Variants in CDK5RAP2 observed in about 807,000 individuals in gnomAD.
The protein encoded by CDK5RAP2 is CDK5 regulatory subunit-associated protein 2.
In CDK5RAP2, 147 loss-of-function variants were observed where a neutral mutation model predicts 232.9. That is an observed-to-expected ratio of 0.63 (90% CI 0.55 to 0.72). The LOEUF (loss-of-function observed/expected upper bound fraction) is 0.72, where lower values mean the gene tolerates loss of function less well. Among genes scored for constraint, CDK5RAP2 ranks in the 30% least tolerant of loss-of-function variants. CDK5RAP2 has a pLI of 0.00. For synonymous variants in CDK5RAP2, 833 were observed against 833.7 expected (o/e 1.00, Z 0.01); for missense variants, 2,195 against 2,231.5 (o/e 0.98, Z 0.33).
In CDK5RAP2 at chr9:120,419,936, G is replaced by A. The variant is rs1293846450; in HGVS notation, c.4029C>T (p.Tyr1343=). The A allele has an allele frequency of 6.2e-7, 1 of 1,613,972 alleles. No individual in the cohort carries two copies. ...MERIEEDNLT[Y]QHLLPESPEP... is the part of the protein sequence containing the mutation. ...CAGGAGATTCAGGCAGAAGATGTTG[G>A]TAGGTTAAGTTGTCTTCCTCAATCC... The change falls in exon 27 of 38, where the codon TAC becomes TAT. Residue 1343 remains tyrosine, a synonymous_variant. Transcript: ENST00000349780.
intron 25 of CDK5RAP2, among the ~76,000 whole-genome samples, chr9:120,428,007 C>T (rs1205312485): frequency 2.6e-5 from 4 of 152,212 alleles, no homozygotes; most frequent in Admixed American, 6.5e-5. Context: ...TGAATGACTA[C>T]TGGGTACATA....
At chr9:120,526,851 C>G (rs962674629) in intron 10 of CDK5RAP2, among the ~76,000 whole-genome samples, 4 of 152,172 alleles carry the variant, frequency 2.6e-5, no homozygotes, top group Non-Finnish European at 5.9e-5. Context: ...AACTAAACAC[C>G]TTGACCAATG....
chr9:120,542,147 A>G (rs2041658352), intron 5 of CDK5RAP2, among the ~76,000 whole-genome samples: 1 of 152,234 alleles, frequency 6.6e-6, no homozygotes, highest in East Asian at 1.9e-4. Context: ...ATTAACATAG[A>G]TATTTTCCAT....
chr9:120,443,906 G>C (rs1291655272), intron 22 of CDK5RAP2, among the ~76,000 whole-genome samples, 164 bp from the exon 23 acceptor site: 1 of 152,086 alleles, frequency 6.6e-6, no homozygotes, highest in Non-Finnish European at 1.5e-5. Context: ...TGCCATAACA[G>C]GACATAAAAA....
chr9:120,491,419 A>T lies in CDK5RAP2; in HGVS notation c.1370T>A (p.Met457Lys). Residue 457 changes from methionine to lysine, a missense_variant, in exon 13 of 38, where the codon ATG becomes AAG. Transcript: ENST00000349780. Reference protein sequence around the residue: ...RNEVNEREKAMENRYKSLLSE... With the variant: ...RNEVNEREKAKENRYKSLLSE... The stretch of plus-strand genomic sequence containing the variant: ...CAGAAGACTCTTGTAACGATTTTCC[A>T]TTGCTTTCTCTCTTTCATTCACTTC... 6.2e-7 allele frequency: 1 copy of T among 1,612,308 alleles called. No individual in the cohort carries two copies. Among genetic ancestry groups the T allele is most frequent in the Non-Finnish European group, 8.5e-7 (1 of 1,179,006 alleles).
chr9:120,421,404 A>G (rs58558421), intron 26 of CDK5RAP2, among the ~76,000 whole-genome samples: 13,517 of 152,202 alleles, frequency 0.089, 1,261 homozygotes, highest in African/African-American at 0.24. Flanking sequence ...CAATGCTGCA[A>G]TGGGAGAAGA....
intron 3 of CDK5RAP2, among the ~76,000 whole-genome samples, chr9:120,555,409 A>G (rs2042191996): frequency 6.6e-6 from 1 of 152,086 alleles, no homozygotes; most frequent in African/African-American, 2.4e-5. Flanking sequence ...AAGTGCTGGG[A>G]TTACAGGCGT....
intron 12 of CDK5RAP2, among the ~76,000 whole-genome samples, chr9:120,495,473 GC>G (rs1161509757): frequency 1.3e-3 from 16 of 12,254 alleles, no homozygotes; most frequent in Non-Finnish European, 2.0e-3. Flanking sequence ...CTGCCCGGCC[GC>G]CCCGTCTGAG....
chr9:120,514,819 C>T (rs747328394), intron 12 of CDK5RAP2, among the ~76,000 whole-genome samples: 3 of 152,122 alleles, frequency 2.0e-5, no homozygotes, highest in Non-Finnish European at 2.9e-5. Context: ...CATATGAAGA[C>T]GTATACATGT....
At chr9:120,442,004 C>G (rs1232764630) in intron 23 of CDK5RAP2, among the ~76,000 whole-genome samples, 1 of 152,208 alleles carries the variant, frequency 6.6e-6, no homozygotes, top group East Asian at 1.9e-4. Context: ...AATCACCCTC[C>G]AAGACAAGAA....
rs752004121 is a variant in CDK5RAP2, at chr9:120,408,474, A to G, written c.4605-6T>C. 6.8e-6 allele frequency: 11 copies of G among 1,614,092 alleles called. No individual in the cohort carries two copies. The East Asian group carries it at 2.0e-4, about 29-fold the overall frequency. Reference sequence around the variant, plus strand: ...ACTTCACCTCCTCCTGCACCCTGAGAAGGCCCCACAGGCATGAGAAGGACA... The same window carrying G: ...ACTTCACCTCCTCCTGCACCCTGAGGAGGCCCCACAGGCATGAGAAGGACA... On this transcript the variant is annotated splice_polypyrimidine_tract_variant and splice_region_variant and intron_variant, in intron 30 of 37. Transcript: ENST00000349780.
At position 120,435,152 on chromosome 9, in the gene CDK5RAP2, T is replaced by C. The variant is rs138201266; in HGVS notation, c.3955+2143A>G. ...ACAAAGAATGAAACCAAACAACTTT[T>C]AAATTCAAGAACATACTATAATGTA... On this transcript the variant is annotated intron_variant, in intron 25 of 37. Transcript: ENST00000349780. Among the ~76,000 whole-genome samples, 170 of 152,344 alleles carry C rather than the reference T, an allele frequency of 1.1e-3. 1 individual carries two copies. The highest frequency in any genetic ancestry group is 3.8e-3 in the African/African-American group (156 of 41,582).
intron 11 of CDK5RAP2, among the ~76,000 whole-genome samples, chr9:120,519,654 T>C (rs1029884937): frequency 1.3e-5 from 2 of 152,264 alleles, no homozygotes; most frequent in African/African-American, 4.8e-5. Flanking sequence ...ATCCTTGTTA[T>C]TGATACTTGC....
intron 31 of CDK5RAP2, 139 bp from the exon 32 acceptor site, chr9:120,407,387 A>T: frequency 1.4e-6 from 1 of 705,696 alleles, no homozygotes; most frequent in Non-Finnish European, 2.6e-6. Context: ...TTAAAATAAC[A>T]ACTTGACTTT....
chr9:120,403,070 A>G lies in CDK5RAP2; in HGVS notation c.5043T>C (p.Val1681=). 6.2e-7 allele frequency: 1 copy of G among 1,614,038 alleles called. No individual in the cohort carries two copies. Among genetic ancestry groups the G allele is most frequent in the Non-Finnish European group, 8.5e-7 (1 of 1,179,924 alleles). Residue 1681 remains valine (V), a splice_region_variant and synonymous_variant, in exon 34 of 38, where the codon GTT becomes GTC. Coordinates refer to ENST00000349780, the MANE Select transcript of CDK5RAP2 (RefSeq NM_018249.6). This position sits in a 1 kb window ranked among gnomAD's most constrained non-coding sequence, Gnocchi z 4.2. ...DSSQAVTPKS[V]SETPPLSGND... ...TCCCAGAGAGTGGAGGAGTCTCTGA[A>G]ACTGTAAAATGAGAAGTAGGATGTA...
intron 18 of CDK5RAP2, among the ~76,000 whole-genome samples, chr9:120,462,235 TAA>T (rs2037131407): frequency 6.6e-6 from 1 of 152,200 alleles, no homozygotes; most frequent in Admixed American, 6.5e-5. Flanking sequence ...TACTGAAGCA[TAA>T]AAGTCTATAA....
intron 21 of CDK5RAP2, 54 bp downstream of exon 21, chr9:120,453,402 A>G (rs2036579058): frequency 6.6e-7 from 1 of 1,513,226 alleles, no homozygotes; most frequent in Non-Finnish European, 9.0e-7. Flanking sequence ...GGTGATTTTT[A>G]AAGTTTTTTG....
chr9:120,428,723 T>C (rs574487302), intron 25 of CDK5RAP2, among the ~76,000 whole-genome samples: 30 of 152,040 alleles, frequency 2.0e-4, no homozygotes, highest in South Asian at 1.5e-3. Context: ...TTCCAATCAA[T>C]AGAAAAAGAG....
intron 3 of CDK5RAP2, among the ~76,000 whole-genome samples, chr9:120,564,242 C>T (rs1176880623): frequency 4.6e-5 from 7 of 152,166 alleles, no homozygotes; most frequent in Admixed American, 3.3e-4. Flanking sequence ...CCAAGGCAGG[C>T]GGATCACAAG....
Sources: gnomAD v4.1 joint callset for allele counts (sites outside exome capture counted in the v4.1 genomes callset) on GRCh38, gnomAD v4.1.1 for gene constraint, Gnocchi (gnomAD v3.1) non-coding constraint, MANE v1.5 for transcripts, NCBI Gene and HGNC (gene_info 2026-07-23, HGNC 2026-07-21) for gene names.